The following DDX60 variants were observed in gnomAD, a reference collection of about 807,000 sequenced individuals.
DDX60 encodes probable ATP-dependent RNA helicase DDX60.
In DDX60, 165 loss-of-function variants were observed where a neutral mutation model predicts 212.8. The observed-to-expected ratio is 0.78, with a 90% CI of 0.68 to 0.88. DDX60 has a LOEUF of 0.88. Among genes scored for constraint, DDX60 ranks in the 40% least tolerant of loss-of-function variants. The pLI, the probability that DDX60 is intolerant of heterozygous loss-of-function variation, is 0.00. For synonymous variants in DDX60, 703 were observed against 685.3 expected, an observed-to-expected ratio of 1.03 and a Z score of -0.40; for missense variants, 1,905 against 2,003.9, an observed-to-expected ratio of 0.95 and a Z score of 0.94.
intron 30 of DDX60, among the ~76,000 whole-genome samples, chr4:168,239,105 T>G (rs746597786): frequency 6.6e-6 from 1 of 152,130 alleles, no homozygotes; most frequent in Non-Finnish European, 1.5e-5. Flanking sequence ...TTGATCATCT[T>G]CCTAAAATTA....
chr4:168,250,817 G>T, intron 28 of DDX60, 137 bp downstream of exon 28: 1 of 706,986 alleles, frequency 1.4e-6, no homozygotes, highest in Non-Finnish European at 2.3e-6. Flanking sequence ...GACCCATCAC[G>T]CCCGGCCAAC....
At chr4:168,308,490 T>C (rs1195779758) in intron 3 of DDX60, among the ~76,000 whole-genome samples, 1 of 151,968 alleles carries the variant, frequency 6.6e-6, no homozygotes, top group East Asian at 1.9e-4. Flanking sequence ...AAACCTAAAT[T>C]ATATATATTT....
At chr4:168,320,520 G>C (rs1387304596), upstream of DDX60, among the ~76,000 whole-genome samples, 1 of 152,152 alleles carries the variant, frequency 6.6e-6, no homozygotes, top group Non-Finnish European at 1.5e-5. Flanking sequence ...CTTCAGCCCA[G>C]AGAGACTGAT....
intron 25 of DDX60, among the ~76,000 whole-genome samples, chr4:168,259,116 A>G (rs1477270987): frequency 6.6e-6 from 1 of 152,208 alleles, no homozygotes; most frequent in Non-Finnish European, 1.5e-5. Context: ...TGCACCATAT[A>G]AAACATACTA....
At chr4:168,271,915 A>AG in intron 19 of DDX60, 128 bp downstream of exon 19, 1 of 708,742 alleles carries the variant, frequency 1.4e-6, no homozygotes, top group Non-Finnish European at 2.3e-6. Context: ...ATCACTCAGG[A>AG]AAAAAAAACG....
At chr4:168,316,997 G>T (rs998181653) in intron 1 of DDX60, among the ~76,000 whole-genome samples, 1 of 147,094 alleles carries the variant, frequency 6.8e-6, no homozygotes, top group African/African-American at 2.5e-5. Flanking sequence ...GGCAGAGGTT[G>T]CAGTGAACTG....
upstream of DDX60, among the ~76,000 whole-genome samples, chr4:168,319,291 G>A: frequency 6.6e-6 from 1 of 152,050 alleles, no homozygotes; most frequent in East Asian, 1.9e-4. Flanking sequence ...GTAAATTGAG[G>A]CAGAAAAATT....
chr4:168,276,309 AG>A, intron 14 of DDX60, 128 bp from the exon 15 acceptor site: 1 of 676,126 alleles, frequency 1.5e-6, no homozygotes, highest in Non-Finnish European at 2.3e-6. Context: ...TGGAGTAGAA[AG>A]GACCAAATAA....
intron 33 of DDX60, among the ~76,000 whole-genome samples, chr4:168,231,168 T>C (rs1733438904): frequency 6.6e-6 from 1 of 151,802 alleles, no homozygotes; most frequent in Non-Finnish European, 1.5e-5. Flanking sequence ...AAATAGAAAC[T>C]CTGAACAGAC....
the DDX60 span, among the ~76,000 whole-genome samples, chr4:168,325,908 G>T: frequency 2.6e-5 from 4 of 152,284 alleles, no homozygotes; most frequent in South Asian, 2.1e-4. Flanking sequence ...TGACAGCCAC[G>T]TCTTTCCACA....
chr4:168,274,156 G>C lies in DDX60; in HGVS notation c.2305-73C>G, dbSNP rs1735226611. ...TACCAAAACAAAGACAGTATTTATA[G>C]ACTTCCAATACGATTTTCTGAACCT... On this transcript the variant is annotated intron_variant, in intron 16 of 37. Coordinates refer to ENST00000393743, the MANE Select transcript of DDX60 (RefSeq NM_017631.6). The C allele has an allele frequency of 1.2e-5, 19 of 1,571,722 alleles. No homozygotes were observed. The South Asian group carries it at 1.8e-4, about 15-fold the overall frequency.
the DDX60 span, among the ~76,000 whole-genome samples, chr4:168,325,658 T>C: frequency 6.6e-6 from 1 of 152,222 alleles, no homozygotes; most frequent in African/African-American, 2.4e-5. Flanking sequence ...TCAACACCAG[T>C]TGACTGGTCA....
chr4:168,311,753 T>C (rs1737143558), intron 1 of DDX60, among the ~76,000 whole-genome samples: 1 of 152,154 alleles, frequency 6.6e-6, no homozygotes, highest in South Asian at 2.1e-4. Context: ...CCAGTAGGGC[T>C]GGAGTGGAGA....
intron 5 of DDX60, among the ~76,000 whole-genome samples, chr4:168,303,099 G>A (rs1442787561): frequency 1.3e-5 from 2 of 151,878 alleles, no homozygotes; most frequent in East Asian, 1.9e-4. Flanking sequence ...TCAGGAGATC[G>A]AGACCATCCT....
At chr4:168,238,857 C>T (rs570302474) in intron 30 of DDX60, among the ~76,000 whole-genome samples, 84 of 152,208 alleles carry the variant, frequency 5.5e-4, no homozygotes, top group Admixed American at 1.4e-3. Flanking sequence ...AAGTAGAACG[C>T]GACCTTTCAG....
chr4:168,306,959 C>T (rs1257734615), intron 4 of DDX60, among the ~76,000 whole-genome samples: 1 of 152,196 alleles, frequency 6.6e-6, no homozygotes, highest in African/African-American at 2.4e-5. Flanking sequence ...TGGAGCTTAT[C>T]ATGCTTACCC....
intron 33 of DDX60, 44 bp downstream of exon 33, chr4:168,236,208 A>G: frequency 6.3e-7 from 1 of 1,577,764 alleles, no homozygotes. Context: ...AGATCTATTT[A>G]GTGGTTTTAC....
At chr4:168,236,752 T>C (rs1733643367) in intron 32 of DDX60, among the ~76,000 whole-genome samples, 1 of 151,776 alleles carries the variant, frequency 6.6e-6, no homozygotes, top group South Asian at 2.1e-4. Context: ...TCAATATGGA[T>C]AAAATTGTGC....
In DDX60 at chr4:168,268,044, A is replaced by T. The variant is rs1734927951; in HGVS notation, c.2787-61T>A. 7 of 1,399,306 alleles carry T rather than the reference A, an allele frequency of 5.0e-6. No homozygotes were observed. In the South Asian group the frequency reaches 9.5e-5, roughly 19 times the overall value. 86.7% of individuals were successfully genotyped at this position (1,399,306 alleles called of 1,614,324 possible). A position where few individuals can be genotyped will look rare whatever the true frequency, so the allele number is the denominator to read the frequency against. ...CATGGAACTACTTCCTGTGAAATTA[A>T]GTAGTTTAAGTAAAGACAATTTCAT... On this transcript the variant is annotated intron_variant, in intron 20 of 37. Coordinates refer to ENST00000393743, the MANE Select transcript of DDX60 (RefSeq NM_017631.6).
Sources: gnomAD v4.1 joint callset for allele counts (sites outside exome capture counted in the v4.1 genomes callset) on GRCh38, gnomAD v4.1.1 for gene constraint, MANE v1.5 for transcripts, NCBI Gene and HGNC (gene_info 2026-07-23, HGNC 2026-07-21) for gene names.